GALNT14: variants seen among roughly 807,000 people sequenced by gnomAD.
GALNT14 encodes the protein UDP-GalNAc:polypeptide N-acetylgalactosaminyltransferase 14.
Under a neutral mutation model 77.5 loss-of-function variants are expected in GALNT14, and 60 were observed. That is an observed-to-expected ratio of 0.77 (90% CI 0.63 to 0.96). The LOEUF is 0.96. GALNT14 is among the 40% of genes least tolerant of loss of function. GALNT14 has a pLI of 0.00. For synonymous variants in GALNT14, 280 were observed against 281.7 expected (o/e 0.99, Z 0.06); for missense variants, 710 against 731.0 (o/e 0.97, Z 0.33).
chr2:30,941,227 A>T (rs189833610), intron 9 of GALNT14, among the ~76,000 whole-genome samples: 1 of 152,032 alleles, frequency 6.6e-6, no homozygotes, highest in African/African-American at 2.4e-5. Context: ...GCTCCCTTTT[A>T]CTCTACTGTG....
Position 30,983,778 on chromosome 2 carries a change from AACACACAC to A in GALNT14, c.299+9052_299+9059del, listed in dbSNP as rs60061697. 2.4e-3 allele frequency among the ~76,000 whole-genome samples: 294 copies of A among 120,636 alleles called. 1 individual carries two copies. Among genetic ancestry groups the A allele is most frequent in the African/African-American group, 8.1e-3 (279 of 34,384 alleles). 79.1% of individuals were successfully genotyped at this position (120,636 alleles called of 152,430 possible). On this transcript the variant is annotated intron_variant, in intron 2 of 14. Coordinates refer to ENST00000349752, the MANE Select transcript of GALNT14 (RefSeq NM_024572.4). ...TTCTCTTTCCCCAAATCACAAGTCA[AACACACAC>A]ACACACACACACACACACACACGTA...
At chr2:30,939,101 G>A (rs549531699) in intron 9 of GALNT14, among the ~76,000 whole-genome samples, 1 of 152,216 alleles carries the variant, frequency 6.6e-6, no homozygotes, top group African/African-American at 2.4e-5. Flanking sequence ...ACCACTGCTG[G>A]CTCAAGAATG....
chr2:30,978,094 T>G (rs1217398437), intron 2 of GALNT14, among the ~76,000 whole-genome samples: 1 of 152,210 alleles, frequency 6.6e-6, no homozygotes, highest in Non-Finnish European at 1.5e-5. Context: ...TGTTAGCTCT[T>G]CAGCACCCTG....
chr2:30,930,229 T>C (rs1665644008), intron 10 of GALNT14, among the ~76,000 whole-genome samples: 1 of 152,200 alleles, frequency 6.6e-6, no homozygotes, highest in Non-Finnish European at 1.5e-5. Flanking sequence ...AGGGCCTGCA[T>C]GGGCATCTAG....
At chr2:31,046,645 A>C (rs1427356901) in intron 1 of GALNT14, among the ~76,000 whole-genome samples, 1 of 152,210 alleles carries the variant, frequency 6.6e-6, no homozygotes, top group Non-Finnish European at 1.5e-5. Context: ...TGTAGTATGG[A>C]AACTTATGAT....
rs140489374 is a variant in GALNT14 at position 31,080,392 on chromosome 2, A to G, written c.129+57566T>C. Among the ~76,000 whole-genome samples, 181 of 152,332 alleles carry G rather than the reference A, an allele frequency of 1.2e-3. 1 individual carries two copies. The highest frequency in any genetic ancestry group is 4.1e-3 in the African/African-American group (171 of 41,580). ...GTTGTTTTGTTGAAATTCCAGTTCA[A>G]CTGGGTGTACTCTATTTTTATTTGT... is the stretch of plus-strand genomic sequence containing the variant. On this transcript the variant is annotated intron_variant, in intron 1 of 14. Coordinates refer to ENST00000349752, the MANE Select transcript of GALNT14 (RefSeq NM_024572.4).
chr2:31,094,399 C>T (rs992271714), intron 1 of GALNT14, among the ~76,000 whole-genome samples: 1 of 152,210 alleles, frequency 6.6e-6, no homozygotes, highest in Admixed American at 6.5e-5. Flanking sequence ...GATTAAAAAG[C>T]TTTATTGCTC....
chr2:31,117,876 A>T (rs1299779091), intron 1 of GALNT14, among the ~76,000 whole-genome samples: 2 of 152,202 alleles, frequency 1.3e-5, no homozygotes, highest in Admixed American at 6.5e-5. Flanking sequence ...AACATCTTAC[A>T]TCATGTGGCC....
intron 1 of GALNT14, among the ~76,000 whole-genome samples, chr2:31,124,074 A>G (rs919085855): frequency 2.6e-5 from 4 of 152,194 alleles, no homozygotes; most frequent in Non-Finnish European, 4.4e-5. Flanking sequence ...GGCTTCCCAC[A>G]CAGCAGCACC....
At chr2:31,114,816 C>T (rs1416257888) in intron 1 of GALNT14, 1 of 717,376 alleles carries the variant, frequency 1.4e-6, no homozygotes, top group Non-Finnish European at 2.6e-6. Flanking sequence ...TGACATACAG[C>T]AAGGTGTCCT....
chr2:31,100,348 G>C (rs1327884103), intron 1 of GALNT14, among the ~76,000 whole-genome samples: 1 of 151,966 alleles, frequency 6.6e-6, no homozygotes, highest in Non-Finnish European at 1.5e-5. Flanking sequence ...CAATGTTGAG[G>C]ACTTACTGTA....
intron 1 of GALNT14, among the ~76,000 whole-genome samples, chr2:31,051,947 T>G (rs1337868641): frequency 6.6e-6 from 1 of 152,242 alleles, no homozygotes; most frequent in African/African-American, 2.4e-5. Flanking sequence ...ATTTTCAACT[T>G]AAAAACATGT....
At position 31,130,801 on chromosome 2, in the gene GALNT14, T is replaced by A. The variant is rs563032665; in HGVS notation, c.129+7157A>T. Among the ~76,000 whole-genome samples, 4 of 148,148 alleles carry A rather than the reference T, an allele frequency of 2.7e-5. No homozygotes were observed. In the East Asian group the frequency reaches 6.0e-4, roughly 22 times the overall value. ...GTGTGTGTGCGCGCGCACCTGTGTG[T>A]GTGCCTGTGTGTGTATATGTGTGTG... On this transcript the variant is annotated intron_variant, in intron 1 of 14. Transcript: ENST00000349752.
At chr2:30,919,747 G>T (rs1664920122) in intron 13 of GALNT14, among the ~76,000 whole-genome samples, 2 of 152,198 alleles carry the variant, frequency 1.3e-5, no homozygotes, top group African/African-American at 4.8e-5. Context: ...CATTTAGTTG[G>T]GAGTGACCCA....
At chr2:31,067,441 T>C (rs1352816822) in intron 1 of GALNT14, among the ~76,000 whole-genome samples, 1 of 151,910 alleles carries the variant, frequency 6.6e-6, no homozygotes, top group Non-Finnish European at 1.5e-5. Flanking sequence ...CTTCACGACA[T>C]CCCCGGACTT....
chr2:31,089,891 T>G (rs1207038778), intron 1 of GALNT14, among the ~76,000 whole-genome samples: 1 of 152,178 alleles, frequency 6.6e-6, no homozygotes, highest in African/African-American at 2.4e-5. Flanking sequence ...CCAGCCTCAG[T>G]CAAACTGGCT....
At chr2:30,905,473 G>T (rs548486090), downstream of GALNT14, among the ~76,000 whole-genome samples, 1 of 152,144 alleles carries the variant, frequency 6.6e-6, no homozygotes, top group South Asian at 2.1e-4. Context: ...GATGGAAAAT[G>T]AAATGAATGA....
chr2:30,966,311 G>T lies in GALNT14; in HGVS notation c.300-9C>A, dbSNP rs566182770. ...ACACCAGCAGTGTGCATCTGGGGAAGGAAAGGCACAGGGCAAGTGAGACCT... is the reference window on the plus strand; with the variant it reads ...ACACCAGCAGTGTGCATCTGGGGAATGAAAGGCACAGGGCAAGTGAGACCT... On this transcript the variant is annotated splice_polypyrimidine_tract_variant and intron_variant, in intron 2 of 14. Transcript: ENST00000349752. 7 of 1,604,068 alleles carry T rather than the reference G, an allele frequency of 4.4e-6. No homozygotes were observed. The African/African-American group carries it at 5.3e-5, about 12-fold the overall frequency.
At chr2:31,016,180 C>T (rs948031855) in intron 1 of GALNT14, among the ~76,000 whole-genome samples, 1 of 152,190 alleles carries the variant, frequency 6.6e-6, no homozygotes, top group African/African-American at 2.4e-5. Flanking sequence ...TTAGTTTCTC[C>T]TGAGGCCTCT....
Sources: allele counts gnomAD v4.1 joint callset (sites outside exome capture counted in the v4.1 genomes callset), GRCh38; gene constraint gnomAD v4.1.1; transcripts MANE v1.5; gene names NCBI Gene and HGNC (gene_info 2026-07-23, HGNC 2026-07-21).